Variants in ENTREP2 observed in about 807,000 individuals in gnomAD.
The protein encoded by ENTREP2 is protein ENTREP2.
chr15:29,180,568 G>A, the ENTREP2 span, among the ~76,000 whole-genome samples: 2 of 152,228 alleles, frequency 1.3e-5, no homozygotes, highest in African/African-American at 4.8e-5. Flanking sequence ...GGAGGCTGAG[G>A]TAGGAGAATC....
the ENTREP2 span, among the ~76,000 whole-genome samples, chr15:29,617,296 A>T: frequency 6.6e-6 from 1 of 152,086 alleles, no homozygotes; most frequent in Non-Finnish European, 1.5e-5. Flanking sequence ...GGCTGGAGAA[A>T]ATGCAGGTCC....
the ENTREP2 span, among the ~76,000 whole-genome samples, chr15:29,394,882 C>CT: frequency 0.018 from 1,727 of 95,690 alleles, 81 homozygotes; most frequent in African/African-American, 0.086. Context: ...GTCAGAATCT[C>CT]TTTTTTTTTT....
the ENTREP2 span, among the ~76,000 whole-genome samples, chr15:29,572,732 G>C: frequency 6.6e-6 from 1 of 152,100 alleles, no homozygotes; most frequent in Non-Finnish European, 1.5e-5. Flanking sequence ...ATCGAAGAAT[G>C]AGTTGCAAGC....
chr15:29,139,212 G>A, the ENTREP2 span, among the ~76,000 whole-genome samples: 3,215 of 152,304 alleles, frequency 0.021, 50 homozygotes, highest in South Asian at 0.041. Context: ...GCTGGTGGCC[G>A]TGTCTAAAGG....
chr15:29,624,323 A>G, the ENTREP2 span, among the ~76,000 whole-genome samples: 72 of 151,182 alleles, frequency 4.8e-4, 1 homozygote, highest in African/African-American at 1.6e-3. Context: ...ACGCGCACAC[A>G]TGCACGTGCG....
chr15:29,397,590 CA>C, the ENTREP2 span, among the ~76,000 whole-genome samples: 687 of 151,114 alleles, frequency 4.5e-3, 7 homozygotes, highest in African/African-American at 0.016. Flanking sequence ...GTATAATAAA[CA>C]AAGCATGGGC....
the ENTREP2 span, among the ~76,000 whole-genome samples, chr15:29,165,463 T>A: frequency 6.6e-6 from 1 of 151,346 alleles, no homozygotes; most frequent in African/African-American, 2.4e-5. Context: ...AGAGAGAAAA[T>A]CCAAATAACC....
At chr15:29,486,792 A>G in the ENTREP2 span, among the ~76,000 whole-genome samples, 1 of 152,220 alleles carries the variant, frequency 6.6e-6, no homozygotes, top group East Asian at 1.9e-4. Flanking sequence ...GCACTGGAAG[A>G]CAAATACCAC....
chr15:29,396,520 T>A, the ENTREP2 span, among the ~76,000 whole-genome samples: 1 of 152,258 alleles, frequency 6.6e-6, no homozygotes, highest in Non-Finnish European at 1.5e-5. Context: ...TAATTTCTGA[T>A]GAAATATGTG....
the ENTREP2 span, among the ~76,000 whole-genome samples, chr15:29,302,926 C>T: frequency 2.0e-5 from 3 of 152,094 alleles, no homozygotes; most frequent in African/African-American, 4.8e-5. Context: ...GCTGCACAGC[C>T]GCCTGCTGAG....
chr15:29,255,288 T>A, the ENTREP2 span, among the ~76,000 whole-genome samples: 3 of 152,180 alleles, frequency 2.0e-5, no homozygotes, highest in Non-Finnish European at 4.4e-5. Flanking sequence ...CACAATTATG[T>A]TTCTGATTTA....
chr15:29,209,098 T>C, the ENTREP2 span, among the ~76,000 whole-genome samples: 15 of 152,210 alleles, frequency 9.9e-5, no homozygotes, highest in Non-Finnish European at 2.1e-4. Context: ...ATCTAAGTGT[T>C]GGTTCCATGG....
At chr15:29,157,792 C>T in the ENTREP2 span, among the ~76,000 whole-genome samples, 3 of 149,604 alleles carry the variant, frequency 2.0e-5, no homozygotes, top group African/African-American at 4.9e-5. Flanking sequence ...TGCAGTGGCG[C>T]GATATCGGCT....
At chr15:29,119,724 T>C in the ENTREP2 span, among the ~76,000 whole-genome samples, 1 of 148,376 alleles carries the variant, frequency 6.7e-6, no homozygotes, top group African/African-American at 2.6e-5. Flanking sequence ...ATTCTCGACG[T>C]GGCCAACAAA....
the ENTREP2 span, among the ~76,000 whole-genome samples, chr15:29,602,511 GT>G: frequency 4.3e-4 from 66 of 152,042 alleles, no homozygotes; most frequent in African/African-American, 1.4e-3. Flanking sequence ...TGAAAAAACT[GT>G]TTTAGTTTAT....
At chr15:29,171,924 ACT>A in the ENTREP2 span, among the ~76,000 whole-genome samples, 1 of 152,190 alleles carries the variant, frequency 6.6e-6, no homozygotes, top group East Asian at 1.9e-4. Context: ...AGAAACCAAT[ACT>A]GACAGAGGTG....
the ENTREP2 span, among the ~76,000 whole-genome samples, chr15:29,290,654 T>C: frequency 6.6e-6 from 1 of 152,226 alleles, no homozygotes; most frequent in African/African-American, 2.4e-5. Flanking sequence ...GTTAAAAGAA[T>C]GGCCACATAA....
At chr15:29,519,975 C>T in the ENTREP2 span, among the ~76,000 whole-genome samples, 336 of 152,280 alleles carry the variant, frequency 2.2e-3, no homozygotes, top group Non-Finnish European at 2.8e-3. Flanking sequence ...TGACCCCCGC[C>T]CCTGCCTGTA....
At chr15:29,582,306 T>C in the ENTREP2 span, among the ~76,000 whole-genome samples, 1 of 152,004 alleles carries the variant, frequency 6.6e-6, no homozygotes, top group African/African-American at 2.4e-5. Flanking sequence ...TATACAACAA[T>C]GTATTCAAAA....
Sources: allele counts gnomAD v4.1 joint callset (sites outside exome capture counted in the v4.1 genomes callset), GRCh38; gene constraint gnomAD v4.1.1; transcripts MANE v1.5; gene names NCBI Gene and HGNC (gene_info 2026-07-23, HGNC 2026-07-21).